PDE4B: variants seen among roughly 807,000 people sequenced by gnomAD.
PDE4B encodes the protein 3',5'-cyclic-AMP phosphodiesterase 4B.
In PDE4B, 20 loss-of-function variants were observed where a neutral mutation model predicts 82.2. The ratio of observed to expected loss-of-function variants is 0.24; its 90% CI spans 0.17 to 0.35. The LOEUF is 0.35. Ranked by LOEUF, PDE4B falls within the 10% of genes least tolerant of loss-of-function variation. The pLI is 1.00. For synonymous variants in PDE4B, 320 were observed against 318.9 expected (o/e 1.00, Z -0.04); for missense variants, 655 against 907.2 (o/e 0.72, Z 3.57).
Position 66,292,338 on chromosome 1 carries a change from G to T in PDE4B, c.634+26251G>T, listed in dbSNP as rs185396113. ...AGATTATCATTAGCCCCATTTTGAA[G>T]ATAAAAAACAATGAGATGGAGAGAG... On this transcript the variant is annotated intron_variant, in intron 7 of 16. Coordinates refer to ENST00000341517, the MANE Select transcript of PDE4B (RefSeq NM_002600.4). Among the ~76,000 whole-genome samples the T allele has an allele frequency of 8.5e-5, 13 of 152,242 alleles. 2 individuals carry two copies. The East Asian group carries it at 2.5e-3, about 29-fold the overall frequency.
chr1:66,125,934 G>T (rs949765203), intron 3 of PDE4B, among the ~76,000 whole-genome samples: 2 of 152,324 alleles, frequency 1.3e-5, no homozygotes, highest in Admixed American at 1.3e-4. Flanking sequence ...AGCCTCCTGA[G>T]TAGCTGAAAT....
At chr1:66,033,534 A>G (rs1355629115) in intron 3 of PDE4B, among the ~76,000 whole-genome samples, 5 of 152,166 alleles carry the variant, frequency 3.3e-5, no homozygotes, top group Non-Finnish European at 7.3e-5. Context: ...TTTATTGTGT[A>G]GATTAAAAGG....
intron 7 of PDE4B, among the ~76,000 whole-genome samples, chr1:66,321,007 T>G (rs1557699131): frequency 6.6e-6 from 1 of 152,152 alleles, no homozygotes; most frequent in Non-Finnish European, 1.5e-5. Context: ...GCTGAGTATA[T>G]CAGGCTTGAG....
At chr1:66,280,220 G>A (rs1355720744) in intron 7 of PDE4B, among the ~76,000 whole-genome samples, 2 of 152,188 alleles carry the variant, frequency 1.3e-5, no homozygotes, top group Non-Finnish European at 2.9e-5. Context: ...ATGATAGTTC[G>A]AAAGACCAGA....
chr1:65,940,745 G>T (rs79161989), intron 3 of PDE4B, among the ~76,000 whole-genome samples: 8,483 of 151,996 alleles, frequency 0.056, 317 homozygotes, highest in Middle Eastern at 0.18. Flanking sequence ...AATATTTTTT[G>T]GGGTATAAAC....
chr1:66,137,628 GTTA>G (rs1646085086), intron 3 of PDE4B, among the ~76,000 whole-genome samples: 1 of 152,178 alleles, frequency 6.6e-6, no homozygotes, highest in African/African-American at 2.4e-5. Context: ...AGTGGCTAAT[GTTA>G]GAGTCTGGAC....
intron 3 of PDE4B, among the ~76,000 whole-genome samples, chr1:66,170,670 T>C (rs879724777): frequency 6.6e-6 from 1 of 152,180 alleles, no homozygotes; most frequent in African/African-American, 2.4e-5. Flanking sequence ...ATCCTCTTTT[T>C]AGAGCTATCA....
At chr1:66,020,339 A>C (rs1653023226) in intron 3 of PDE4B, among the ~76,000 whole-genome samples, 1 of 152,102 alleles carries the variant, frequency 6.6e-6, no homozygotes, top group Non-Finnish European at 1.5e-5. Context: ...ATATACTTTA[A>C]GCTCTACGGT....
At chr1:65,900,784 A>G (rs1646963009) in intron 1 of PDE4B, among the ~76,000 whole-genome samples, 1 of 152,078 alleles carries the variant, frequency 6.6e-6, no homozygotes, top group African/African-American at 2.4e-5. Flanking sequence ...TAGAAATGCT[A>G]CTAATTTTTG....
intron 1 of PDE4B, among the ~76,000 whole-genome samples, chr1:65,793,492 T>C (rs893233094): frequency 2.0e-5 from 3 of 152,148 alleles, no homozygotes; most frequent in African/African-American, 7.2e-5. Context: ...TTGGACCTCT[T>C]GACAAGTCAC....
chr1:65,884,068 A>G (rs945078650), intron 1 of PDE4B, among the ~76,000 whole-genome samples: 1 of 152,094 alleles, frequency 6.6e-6, no homozygotes, highest in African/African-American at 2.4e-5. Context: ...CCAGTATTTT[A>G]TTGAGGATTT....
At chr1:66,132,420 A>G (rs1473259187) in intron 3 of PDE4B, among the ~76,000 whole-genome samples, 1 of 152,130 alleles carries the variant, frequency 6.6e-6, no homozygotes, top group Non-Finnish European at 1.5e-5. Flanking sequence ...TATTTTTAGG[A>G]TTGGCGACTC....
chr1:66,193,746 G>C (rs1184802831), intron 3 of PDE4B, among the ~76,000 whole-genome samples: 2 of 152,044 alleles, frequency 1.3e-5, no homozygotes, highest in East Asian at 3.9e-4. Flanking sequence ...CATAAATTAA[G>C]GTTATTACCT....
At chr1:66,056,528 CTATCATCT>C (rs201560988) in intron 3 of PDE4B, among the ~76,000 whole-genome samples, 12,430 of 104,442 alleles carry the variant, frequency 0.12, 690 homozygotes, top group East Asian at 0.21. Flanking sequence ...ATCTATCTAT[CTATCATCT>C]ATCTATCTAT....
intron 3 of PDE4B, among the ~76,000 whole-genome samples, chr1:66,199,136 T>A (rs567078574): frequency 1.6e-4 from 25 of 152,014 alleles, no homozygotes; most frequent in Admixed American, 8.5e-4. Context: ...AGTAATGGGA[T>A]GGCTGGGTCA....
intron 7 of PDE4B, among the ~76,000 whole-genome samples, chr1:66,274,340 TTTA>T (rs1164784525): frequency 6.6e-6 from 1 of 150,466 alleles, no homozygotes; most frequent in Non-Finnish European, 1.5e-5. Context: ...TTTTTTTTTT[TTTA>T]TATATTTTTA....
At chr1:66,294,001 T>C (rs1332238743) in intron 7 of PDE4B, among the ~76,000 whole-genome samples, 2 of 152,098 alleles carry the variant, frequency 1.3e-5, no homozygotes, top group Non-Finnish European at 2.9e-5. Flanking sequence ...AAATCAGGAG[T>C]TCCTGACCAG....
At chr1:66,217,203 C>T (rs986249977) in intron 3 of PDE4B, among the ~76,000 whole-genome samples, 3 of 151,980 alleles carry the variant, frequency 2.0e-5, no homozygotes, top group African/African-American at 7.3e-5. Flanking sequence ...TATACTTAGT[C>T]ATTGTGTGTT....
intron 3 of PDE4B, among the ~76,000 whole-genome samples, chr1:66,206,098 A>G (rs1345720254): frequency 6.6e-6 from 1 of 152,212 alleles, no homozygotes; most frequent in East Asian, 1.9e-4. Context: ...AAGTTGTCAG[A>G]CACAGTCTCT....
Sources: allele counts gnomAD v4.1 joint callset (sites outside exome capture counted in the v4.1 genomes callset), GRCh38; gene constraint gnomAD v4.1.1; transcripts MANE v1.5; gene names NCBI Gene and HGNC (gene_info 2026-07-23, HGNC 2026-07-21).